The following TTLL11 variants were observed in gnomAD, a reference collection of about 807,000 sequenced individuals.
TTLL11 encodes the protein tubulin tyrosine ligase like 11, also known as tubulin polyglutamylase TTLL11.
TTLL11 carries 42 observed loss-of-function variants against 51.7 expected under a neutral mutation model. The observed-to-expected ratio is 0.81, with a 90% CI of 0.64 to 1.05. The LOEUF (loss-of-function observed/expected upper bound fraction) is 1.05. Ranked by LOEUF, TTLL11 falls within the 50% of genes least tolerant of loss-of-function variation. TTLL11 has a pLI of 0.00. For synonymous variants in TTLL11, 381 were observed against 383.5 expected (o/e 0.99, Z 0.08); for missense variants, 799 against 940.4 (o/e 0.85, Z 1.97).
chr9:122,023,484 C>T (rs759027096), intron 3 of TTLL11, among the ~76,000 whole-genome samples: 1 of 151,352 alleles, frequency 6.6e-6, no homozygotes, highest in African/African-American at 2.4e-5. Flanking sequence ...AAAGACATTA[C>T]AAAAAAATAA....
chr9:122,071,083 C>A (rs998198748), intron 1 of TTLL11, among the ~76,000 whole-genome samples: 1 of 152,126 alleles, frequency 6.6e-6, no homozygotes, highest in Non-Finnish European at 1.5e-5. Context: ...GTTGCTGGAA[C>A]TTTTTAAGCA....
At chr9:121,887,961 C>CG (rs745577482) in intron 6 of TTLL11, among the ~76,000 whole-genome samples, 49 of 152,254 alleles carry the variant, frequency 3.2e-4, no homozygotes, top group Middle Eastern at 3.4e-3. Flanking sequence ...TTCCTGGCCC[C>CG]GGGAGCCCAG....
At chr9:122,069,802 C>A (rs1414651829) in intron 1 of TTLL11, among the ~76,000 whole-genome samples, 1 of 152,064 alleles carries the variant, frequency 6.6e-6, no homozygotes, top group Non-Finnish European at 1.5e-5. Flanking sequence ...CCAGAGAAGA[C>A]CCAGCAGTGT....
intron 6 of TTLL11, among the ~76,000 whole-genome samples, chr9:121,947,830 A>C (rs1841725388): frequency 6.6e-6 from 1 of 152,166 alleles, no homozygotes; most frequent in Admixed American, 6.5e-5. Flanking sequence ...GCTCAGCTTT[A>C]AGTGGTCCCC....
chr9:121,923,912 G>A (rs945092615), intron 6 of TTLL11, among the ~76,000 whole-genome samples: 2 of 152,108 alleles, frequency 1.3e-5, no homozygotes, highest in Non-Finnish European at 2.9e-5. Flanking sequence ...CATAATTCCC[G>A]TATGTTATGG....
chr9:122,025,029 T>C (rs1004956909), intron 3 of TTLL11, among the ~76,000 whole-genome samples: 4 of 151,812 alleles, frequency 2.6e-5, no homozygotes, highest in African/African-American at 4.8e-5. Flanking sequence ...GACACAAATA[T>C]TAAAAATTAA....
At chr9:121,871,521 C>T (rs1838357571) in intron 6 of TTLL11, among the ~76,000 whole-genome samples, 1 of 152,182 alleles carries the variant, frequency 6.6e-6, no homozygotes, top group African/African-American at 2.4e-5. Context: ...AGTCCTGAAG[C>T]CAACCCCTGC....
chr9:122,000,232 G>A (rs968235123), intron 3 of TTLL11, among the ~76,000 whole-genome samples: 4 of 152,094 alleles, frequency 2.6e-5, no homozygotes, highest in African/African-American at 9.7e-5. Context: ...AGGACTTTGA[G>A]AGGCCGAGGC....
intron 6 of TTLL11, among the ~76,000 whole-genome samples, chr9:121,879,829 GTGGTACGCACC>G: frequency 6.8e-6 from 1 of 147,326 alleles, no homozygotes; most frequent in South Asian, 2.2e-4. Context: ...GTCAGCTCTG[GTGGTACGCACC>G]TGCGGTCCTA....
intron 3 of TTLL11, among the ~76,000 whole-genome samples, chr9:121,994,711 T>C (rs1251225215): frequency 6.6e-6 from 1 of 152,230 alleles, no homozygotes; most frequent in Non-Finnish European, 1.5e-5. Flanking sequence ...GTTTGAGCAA[T>C]GTCCTAAAAT....
intron 1 of TTLL11, among the ~76,000 whole-genome samples, chr9:122,050,848 A>G (rs1845138405): frequency 6.6e-6 from 1 of 152,210 alleles, no homozygotes; most frequent in African/African-American, 2.4e-5. Context: ...TGGATCTGTC[A>G]GCCCCAGTCA....
At chr9:121,828,495 TA>T (rs2119118052) in intron 8 of TTLL11, among the ~76,000 whole-genome samples, 1 of 152,296 alleles carries the variant, frequency 6.6e-6, no homozygotes, top group South Asian at 2.1e-4. Flanking sequence ...TCATTTTGCT[TA>T]AAATTATATC....
At position 121,860,399 on chromosome 9, in the gene TTLL11, T is replaced by C. The variant is rs1186867625; in HGVS notation, c.1778A>G (p.Asp593Gly). 1 of 1,551,468 alleles carries C rather than the reference T, an allele frequency of 6.4e-7. No homozygotes were observed. Among genetic ancestry groups the C allele is most frequent in the Non-Finnish European group, 8.7e-7 (1 of 1,146,960 alleles). Reference sequence around the variant, plus strand: ...CCGTGTGATGTCAATGTAGAGGATGTCCACGGCAGCCATGGACAGGCTGCT... The same window carrying C: ...CCGTGTGATGTCAATGTAGAGGATGCCCACGGCAGCCATGGACAGGCTGCT... ...SSSSLSMAAV[D>G]ILYIDITRRW... The change falls in exon 8 of 9, where the codon GAC (aspartate) becomes GGC (glycine). Residue 593 changes from aspartate to glycine, a missense_variant. Asp to Gly is a moderately conservative substitution (Grantham distance 94). This residue lies in a region of TTLL11 where 165 missense variants were observed against 166.1 expected (regional missense o/e 0.99). Coordinates refer to ENST00000321582, the MANE Select transcript of TTLL11 (RefSeq NM_001139442.2).
chr9:121,826,093 C>T, intron 8 of TTLL11, among the ~76,000 whole-genome samples: 1 of 144,644 alleles, frequency 6.9e-6, no homozygotes, highest in East Asian at 2.1e-4. Context: ...ACATGTATTA[C>T]TTTGAAAAAA....
rs1056005324 is a variant in TTLL11 at position 122,072,342 on chromosome 9, G to A, written c.462+20345C>T. On this transcript the variant is annotated intron_variant, in intron 1 of 8. Transcript: ENST00000321582. ...TCCTCCCACATCCTGTGATCCAGCC[G>A]GAGTAAAATGTTAGCAGTCAGCCAG... is the stretch of plus-strand genomic sequence containing the variant. Among the ~76,000 whole-genome samples, 13 of 151,954 alleles carry A rather than the reference G, an allele frequency of 8.6e-5. No homozygotes were observed. In the East Asian group the frequency reaches 1.5e-3, roughly 18 times the overall value.
chr9:121,830,942 C>T (rs1025587835), intron 8 of TTLL11, among the ~76,000 whole-genome samples: 21 of 152,146 alleles, frequency 1.4e-4, no homozygotes, highest in African/African-American at 5.1e-4. Context: ...CAAAGAGATC[C>T]ATTCAGGGGT....
chr9:121,875,154 A>G (rs1049508278), intron 6 of TTLL11, among the ~76,000 whole-genome samples: 1 of 152,180 alleles, frequency 6.6e-6, no homozygotes, highest in Non-Finnish European at 1.5e-5. Context: ...TGTCACCAGT[A>G]TCTAGTTCCA....
intron 4 of TTLL11, among the ~76,000 whole-genome samples, chr9:121,988,577 C>G (rs1205893054): frequency 6.6e-6 from 1 of 152,170 alleles, no homozygotes; most frequent in Non-Finnish European, 1.5e-5. Context: ...CCTGCTTCAT[C>G]TAACTCTCGC....
intron 8 of TTLL11, among the ~76,000 whole-genome samples, chr9:121,854,602 G>C (rs148943367): frequency 6.6e-6 from 1 of 152,274 alleles, no homozygotes; most frequent in Non-Finnish European, 1.5e-5. Flanking sequence ...TTACCTTTGC[G>C]AGTAAAATGT....
Sources: allele counts gnomAD v4.1 joint callset (sites outside exome capture counted in the v4.1 genomes callset), GRCh38; gene constraint gnomAD v4.1.1; regional missense constraint gnomAD v4.1.1; transcripts MANE v1.5; gene names NCBI Gene and HGNC (gene_info 2026-07-23, HGNC 2026-07-21).